The following CNTN5 variants were observed in gnomAD, a reference collection of about 807,000 sequenced individuals.
The protein encoded by CNTN5 is contactin-5.
In CNTN5, 77 loss-of-function variants were observed where a neutral mutation model predicts 129.1. The observed-to-expected ratio is 0.60, with a 90% CI of 0.50 to 0.72. The LOEUF (loss-of-function observed/expected upper bound fraction) is 0.72. Among genes scored for constraint, CNTN5 ranks in the 30% least tolerant of loss-of-function variants. The pLI is 0.00. For missense variants in CNTN5, 1,478 were observed against 1,328.8 expected (o/e 1.11, Z -1.75); for synonymous variants, 509 against 465.6 (o/e 1.09, Z -1.20).
intron 18 of CNTN5, among the ~76,000 whole-genome samples, chr11:100,291,790 A>T (rs2218290): frequency 0.015 from 764 of 50,510 alleles, 11 homozygotes; most frequent in East Asian, 0.049. Context: ...AATAAATAAA[A>T]AATATAAATA....
intron 8 of CNTN5, among the ~76,000 whole-genome samples, chr11:99,996,969 G>A (rs369462776): frequency 6.6e-6 from 1 of 152,036 alleles, no homozygotes; most frequent in African/African-American, 2.4e-5. Context: ...TTTTGGTGGG[G>A]ACACAGAGCC....
At chr11:99,946,533 T>A (rs1950556733) in intron 7 of CNTN5, among the ~76,000 whole-genome samples, 1 of 152,152 alleles carries the variant, frequency 6.6e-6, no homozygotes, top group South Asian at 2.1e-4. Context: ...GTATGGGAAC[T>A]GACCAAGGGA....
At chr11:100,348,657 C>T (rs1952338212) in intron 23 of CNTN5, among the ~76,000 whole-genome samples, 1 of 151,922 alleles carries the variant, frequency 6.6e-6, no homozygotes, top group Non-Finnish European at 1.5e-5. Context: ...TTCTAATTAC[C>T]TCACATGGAT....
chr11:100,339,766 C>G (rs929821445), intron 21 of CNTN5, among the ~76,000 whole-genome samples: 1 of 152,166 alleles, frequency 6.6e-6, no homozygotes, highest in Admixed American at 6.5e-5. Context: ...AGTGCCTAAA[C>G]AGAGTAAATC....
At chr11:99,251,050 A>T (rs1400553925) in intron 1 of CNTN5, among the ~76,000 whole-genome samples, 1 of 151,974 alleles carries the variant, frequency 6.6e-6, no homozygotes, top group Non-Finnish European at 1.5e-5. Context: ...AAATAATGAT[A>T]ACTTTGCCGA....
chr11:99,230,790 C>A (rs1241568815), intron 1 of CNTN5, among the ~76,000 whole-genome samples: 1 of 152,014 alleles, frequency 6.6e-6, no homozygotes, highest in Non-Finnish European at 1.5e-5. Context: ...ATGCATTAGC[C>A]ATTATTTCTG....
At chr11:99,990,246 T>C (rs2137407540) in intron 8 of CNTN5, among the ~76,000 whole-genome samples, 1 of 152,238 alleles carries the variant, frequency 6.6e-6, no homozygotes, top group Admixed American at 6.5e-5. Flanking sequence ...AAGAACAGGA[T>C]AAGAAAATAA....
At chr11:99,782,611 T>C (rs1945352709) in intron 3 of CNTN5, among the ~76,000 whole-genome samples, 1 of 151,868 alleles carries the variant, frequency 6.6e-6, no homozygotes, top group South Asian at 2.1e-4. Flanking sequence ...AACAGCATGG[T>C]ACTGGTACCA....
intron 3 of CNTN5, among the ~76,000 whole-genome samples, chr11:99,688,173 G>A (rs768427357): frequency 2.0e-5 from 3 of 152,128 alleles, no homozygotes; most frequent in African/African-American, 7.2e-5. Context: ...TAGTCATATA[G>A]TAAATCAGCA....
chr11:99,290,706 G>C (rs747219186), intron 1 of CNTN5, among the ~76,000 whole-genome samples: 3 of 151,770 alleles, frequency 2.0e-5, no homozygotes, highest in Non-Finnish European at 4.4e-5. Context: ...GGAATTGAAA[G>C]GTACATCATC....
chr11:99,432,090 G>T (rs1178793008), intron 2 of CNTN5, among the ~76,000 whole-genome samples: 2 of 152,148 alleles, frequency 1.3e-5, no homozygotes, highest in South Asian at 2.1e-4. Flanking sequence ...GCAACTATTT[G>T]CTTAGGAATA....
At position 99,172,102 on chromosome 11, in the gene CNTN5, T is replaced by C. The variant is rs151137441; in HGVS notation, c.-210+150832T>C. On this transcript the variant is annotated intron_variant, in intron 1 of 24. Transcript: ENST00000524871. ...ACATGCTTTATATGCAGAAGGCAGATATAGTGAGAAGCAGCGTGTCAGAAA... is the reference window on the plus strand; with the variant it reads ...ACATGCTTTATATGCAGAAGGCAGACATAGTGAGAAGCAGCGTGTCAGAAA... 1.3e-3 allele frequency among the ~76,000 whole-genome samples: 205 copies of C among 152,324 alleles called. 1 individual carries two copies. Among genetic ancestry groups the C allele is most frequent in the African/African-American group, 4.6e-3 (192 of 41,576 alleles).
intron 13 of CNTN5, among the ~76,000 whole-genome samples, chr11:100,165,051 C>T (rs1020340613): frequency 4.0e-5 from 6 of 151,566 alleles, no homozygotes; most frequent in Admixed American, 6.6e-5. Flanking sequence ...TGTTGAAAGC[C>T]GGAGTGCATC....
At chr11:99,130,714 A>C (rs1181244270) in intron 1 of CNTN5, among the ~76,000 whole-genome samples, 1 of 152,194 alleles carries the variant, frequency 6.6e-6, no homozygotes, top group Admixed American at 6.5e-5. Flanking sequence ...ATTGGAAGTA[A>C]AACACTCCTC....
chr11:100,157,774 A>G (rs983759177), intron 13 of CNTN5, among the ~76,000 whole-genome samples: 1 of 151,954 alleles, frequency 6.6e-6, no homozygotes, highest in Non-Finnish European at 1.5e-5. Flanking sequence ...TAGAATGGAT[A>G]GAAACACCAA....
At chr11:99,372,288 C>T (rs998853746) in intron 2 of CNTN5, among the ~76,000 whole-genome samples, 11 of 151,912 alleles carry the variant, frequency 7.2e-5, no homozygotes, top group African/African-American at 1.5e-4. Flanking sequence ...CTTTGATCAC[C>T]GTTACATCAT....
chr11:99,672,707 G>A (rs1376361724), intron 3 of CNTN5, among the ~76,000 whole-genome samples: 2 of 150,382 alleles, frequency 1.3e-5, no homozygotes, highest in Admixed American at 6.7e-5. Context: ...TCACTGGGAA[G>A]TGTTATCAAG....
At chr11:99,970,469 C>A (rs910751479) in intron 8 of CNTN5, among the ~76,000 whole-genome samples, 4 of 152,136 alleles carry the variant, frequency 2.6e-5, no homozygotes, top group Non-Finnish European at 5.9e-5. Context: ...TCTTAGACAA[C>A]CGACTTTACC....
chr11:99,455,746 T>G (rs2135212474), intron 2 of CNTN5, among the ~76,000 whole-genome samples: 1 of 152,196 alleles, frequency 6.6e-6, no homozygotes, highest in African/African-American at 2.4e-5. Flanking sequence ...AATTTTCCTT[T>G]CCAAAATTAC....
Sources: allele counts gnomAD v4.1 joint callset (sites outside exome capture counted in the v4.1 genomes callset), GRCh38; gene constraint gnomAD v4.1.1; transcripts MANE v1.5; gene names NCBI Gene and HGNC (gene_info 2026-07-23, HGNC 2026-07-21).